The following INTS6L variants were observed in gnomAD, a reference collection of about 807,000 sequenced individuals.
INTS6L encodes the protein integrator complex subunit 6 like.
A neutral mutation model predicts 64.7 loss-of-function variants in INTS6L; 18 were observed. The ratio of observed to expected loss-of-function variants is 0.28; its 90% CI spans 0.19 to 0.41. INTS6L has a LOEUF of 0.41. Among genes scored for constraint, INTS6L ranks in the 10% least tolerant of loss-of-function variants. The pLI, the probability that INTS6L is intolerant of heterozygous loss-of-function variation, is 1.00. For synonymous variants in INTS6L, 227 were observed against 235.9 expected, an observed-to-expected ratio of 0.96 and a Z score of 0.34; for missense variants, 533 against 661.0, an observed-to-expected ratio of 0.81 and a Z score of 2.12.
intron 2 of INTS6L, among the ~76,000 whole-genome samples, chrX:135,543,069 T>C (rs908285288): frequency 6.3e-5 from 7 of 111,579 alleles, no homozygotes; most frequent in Non-Finnish European, 1.3e-4. Context: ...CTTTCATCAC[T>C]TTTCTCGTAA....
Position 135,521,238 on chromosome X carries a change from C to A in INTS6L, c.112-3C>A. On this transcript the variant is annotated splice_polypyrimidine_tract_variant and splice_region_variant and intron_variant, in intron 1 of 17. Transcript: ENST00000639893. ...ACCCCCTCCGTCATCCCTTGCCCCGCAGCTGCGCGCCCGGGACCCGGCCAG... is the reference window on the plus strand; with the variant it reads ...ACCCCCTCCGTCATCCCTTGCCCCGAAGCTGCGCGCCCGGGACCCGGCCAG... The A allele has an allele frequency of 1.7e-6, 2 of 1,207,198 alleles. No homozygotes were observed. The highest frequency in any genetic ancestry group is 2.2e-6 in the Non-Finnish European group (2 of 893,236).
rs2085939157 is a variant in INTS6L, at chrX:135,532,593, T to C, written c.189+11275T>C. ...ATCCATGTTCTTAACCTGAGTCTGT[T>C]ACTAATTACACACATGACCCCAGGC... On this transcript the variant is annotated intron_variant, in intron 2 of 17. Transcript: ENST00000639893. Among the ~76,000 whole-genome samples, 4 of 112,203 alleles carry C rather than the reference T, an allele frequency of 3.6e-5. No individual in the cohort carries two copies. In the South Asian group the frequency reaches 1.5e-3, roughly 41 times the overall value.
chrX:135,571,269 A>G lies in INTS6L; in HGVS notation c.1398+723A>G, dbSNP rs1435902316. On this transcript the variant is annotated intron_variant, in intron 11 of 17. Coordinates refer to ENST00000639893, the MANE Select transcript of INTS6L (RefSeq NM_001351601.3). ...AATATTTGAGAACTACTGAGTTAGA[A>G]CTTTACTATCATATGAATGTGTTAT... The G allele has an allele frequency of 7.1e-5, 8 of 112,461 alleles. No homozygotes were observed. The East Asian group carries it at 2.2e-3, about 31-fold the overall frequency. 9.3% of individuals were successfully genotyped at this position (112,461 alleles called of 1,213,427 possible). A position where few individuals can be genotyped will look rare whatever the true frequency, so the allele number is the denominator to read the frequency against.
At chrX:135,542,132 C>T (rs2086237020) in intron 2 of INTS6L, among the ~76,000 whole-genome samples, 1 of 111,235 alleles carries the variant, frequency 9.0e-6, no homozygotes, top group Non-Finnish European at 1.9e-5. Context: ...TTAAAATTTC[C>T]CATATCATCC....
chrX:135,568,018 T>TA (rs1268032066), intron 9 of INTS6L, among the ~76,000 whole-genome samples: 3 of 111,405 alleles, frequency 2.7e-5, no homozygotes, highest in Non-Finnish European at 5.7e-5. Context: ...GCATTTTTTT[T>TA]AAAAAAATCA....
At chrX:135,544,200 C>A (rs1475454264) in intron 2 of INTS6L, among the ~76,000 whole-genome samples, 1 of 111,643 alleles carries the variant, frequency 9.0e-6, no homozygotes, top group Non-Finnish European at 1.9e-5. Context: ...ATCAGATCAT[C>A]CTCCTTTTCA....
chrX:135,520,945 G>T lies in INTS6L; in HGVS notation c.-48G>T, dbSNP rs1232387117. 1 of 1,166,041 alleles carries T rather than the reference G, an allele frequency of 8.6e-7. No individual in the cohort carries two copies. The highest frequency in any genetic ancestry group is 1.8e-5 in the African/African-American group (1 of 56,452). On this transcript the variant is annotated 5_prime_UTR_variant, in exon 1 of 18. Coordinates refer to ENST00000639893, the MANE Select transcript of INTS6L (RefSeq NM_001351601.3). ...CAGGTGGCCGTACGCGGCAGTGAGG[G>T]CAAGAGGGCCGGGAGAGTGGGGAGC... is the stretch of plus-strand genomic sequence containing the variant.
rs145147340 is a variant in INTS6L, at chrX:135,572,996, A to T, written c.1580A>T (p.Lys527Ile). 24 of 1,209,198 alleles carry T rather than the reference A, an allele frequency of 2.0e-5. No homozygotes were observed. The highest frequency in any genetic ancestry group is 2.7e-5 in the Non-Finnish European group (24 of 894,865). Residue 527 changes from lysine to isoleucine, a missense_variant, in exon 12 of 18, where the codon AAA becomes ATA. By Grantham distance (102) the Lys-to-Ile change is moderately radical. Coordinates refer to ENST00000639893, the MANE Select transcript of INTS6L (RefSeq NM_001351601.3). ...TALRLTELNT[K>I]EFAGFQIGLL... is the part of the protein sequence containing the mutation. ...CTTAGACTGACAGAATTGAACACCAAAGAATTTGCTGGCTTCCAAATTGGG... is the reference window on the plus strand; with the variant it reads ...CTTAGACTGACAGAATTGAACACCATAGAATTTGCTGGCTTCCAAATTGGG...
chrX:135,560,263 A>C (rs1447624198), intron 9 of INTS6L, among the ~76,000 whole-genome samples: 1 of 112,227 alleles, frequency 8.9e-6, no homozygotes, highest in Non-Finnish European at 1.9e-5. Context: ...TTAATATTGT[A>C]TCCTGCAACT....
chrX:135,547,340 C>G (rs1484469999), intron 6 of INTS6L, 75 bp downstream of exon 6: 4 of 1,036,655 alleles, frequency 3.9e-6, no homozygotes, highest in Non-Finnish European at 5.2e-6. Context: ...TTACTATAGA[C>G]ACAGTCTTCA....
chrX:135,562,568 T>G (rs2086820414), intron 9 of INTS6L, among the ~76,000 whole-genome samples: 1 of 111,984 alleles, frequency 8.9e-6, no homozygotes, highest in Admixed American at 9.4e-5. Flanking sequence ...GTCTATTTGC[T>G]CTATCAGTTT....
chrX:135,570,329 C>T (rs2087060748), intron 10 of INTS6L, 107 bp from the exon 11 acceptor site: 1 of 733,057 alleles, frequency 1.4e-6, no homozygotes, highest in Non-Finnish European at 1.9e-6. Context: ...ATGTGCAGCA[C>T]CTTGACTTCT....
chrX:135,581,585 C>T lies in INTS6L; in HGVS notation c.2646C>T (p.Ser882=). 1 of 1,210,234 alleles carries T rather than the reference C, an allele frequency of 8.3e-7. No individual in the cohort carries two copies. The highest frequency in any genetic ancestry group is 1.1e-6 in the Non-Finnish European group (1 of 894,760). Residue 882 remains serine, a synonymous_variant, in exon 18 of 18, where the codon TCC becomes TCT. Transcript: ENST00000639893. ...YLEKVLEKIN[S]HHLHNNISHI... ...AGAAGGTACTAGAAAAAATAAATTC[C>T]CACCACCTTCACAACAACATTAGTC...
intron 2 of INTS6L, among the ~76,000 whole-genome samples, chrX:135,529,388 TG>T (rs2085841371): frequency 8.9e-6 from 1 of 111,966 alleles, no homozygotes; most frequent in African/African-American, 3.2e-5. Flanking sequence ...TCTTATATCA[TG>T]GCAAGTCATC....
intron 2 of INTS6L, among the ~76,000 whole-genome samples, chrX:135,529,265 T>C (rs2085838114): frequency 8.9e-6 from 1 of 111,968 alleles, no homozygotes; most frequent in Admixed American, 9.5e-5. Flanking sequence ...CTTTAGGAAG[T>C]GTAGGATAAA....
intron 9 of INTS6L, among the ~76,000 whole-genome samples, chrX:135,561,031 C>T (rs1556522034): frequency 1.0e-5 from 1 of 98,154 alleles, no homozygotes; most frequent in Non-Finnish European, 2.0e-5. Context: ...CAGCTCACTG[C>T]AACCTCCACC....
intron 2 of INTS6L, among the ~76,000 whole-genome samples, chrX:135,537,673 G>A (rs1556509624): frequency 1.8e-5 from 2 of 111,855 alleles, no homozygotes. Flanking sequence ...GTCAGGGAAA[G>A]TAGGCTTAAA....
intron 16 of INTS6L, among the ~76,000 whole-genome samples, chrX:135,580,608 A>G (rs2087346112): frequency 9.0e-6 from 1 of 111,727 alleles, no homozygotes; most frequent in Non-Finnish European, 1.9e-5. Flanking sequence ...CACCCTTAGC[A>G]CTTTTTCTCC....
intron 2 of INTS6L, among the ~76,000 whole-genome samples, chrX:135,540,459 AC>A (rs2086177066): frequency 9.0e-6 from 1 of 111,287 alleles, no homozygotes; most frequent in Non-Finnish European, 1.9e-5. Context: ...CCTTGGAGAG[AC>A]TTAAAATTTG....
Sources: allele counts gnomAD v4.1 joint callset (sites outside exome capture counted in the v4.1 genomes callset), GRCh38; gene constraint gnomAD v4.1.1; transcripts MANE v1.5; gene names NCBI Gene and HGNC (gene_info 2026-07-23, HGNC 2026-07-21).